The following MAL variants were observed in gnomAD, a reference collection of about 807,000 sequenced individuals.
MAL encodes myelin and lymphocyte protein.
In MAL, 5 loss-of-function variants were observed where a neutral mutation model predicts 16.7. That is an observed-to-expected ratio of 0.30 (90% CI 0.16 to 0.63). The LOEUF (loss-of-function observed/expected upper bound fraction) is 0.63, where lower values mean the gene tolerates loss of function less well. Ranked by LOEUF, MAL falls within the 30% of genes least tolerant of loss-of-function variation. The probability of loss-of-function intolerance (pLI) is 0.82; values close to 1 mark genes in which losing one functional copy is unlikely to be tolerated. For missense variants in MAL, 202 were observed against 195.8 expected (o/e 1.03, Z -0.19); for synonymous variants, 96 against 85.5 (o/e 1.12, Z -0.67).
intron 1 of MAL, among the ~76,000 whole-genome samples, chr2:95,028,773 T>C (rs1674010382): frequency 6.6e-6 from 1 of 152,198 alleles, no homozygotes; most frequent in Admixed American, 6.5e-5. Flanking sequence ...CCTTGAAAAC[T>C]CTATGCTAAG....
Position 95,053,388 on chromosome 2 carries a change from C to G in MAL, c.395C>G (p.Ser132Cys), listed in dbSNP as rs1423295668. 8 of 1,612,298 alleles carry G rather than the reference C, an allele frequency of 5.0e-6. No individual in the cohort carries two copies. In the Admixed American group the frequency reaches 1.3e-4, roughly 27 times the overall value. Residue 132 changes from serine (S) to cysteine (C), a missense_variant, in exon 4 of 4, where the codon TCC becomes TGC. By Grantham distance (112) the Ser-to-Cys change is moderately radical. Transcript: ENST00000309988. The stretch of plus-strand genomic sequence containing the variant: ...CATTTCTCTTGGTTCCAGGTGTTCT[C>G]CTACATAGCCACTCTGCTCTACGTG... ...YHENIAAVVF[S>C]YIATLLYVVH...
intron 1 of MAL, among the ~76,000 whole-genome samples, chr2:95,036,681 CTGAG>C (rs1674214982): frequency 6.6e-6 from 1 of 151,570 alleles, no homozygotes; most frequent in South Asian, 2.1e-4. Context: ...GAGTGACTAA[CTGAG>C]TGACTGAGTG....
chr2:95,031,007 G>A (rs567965823), intron 1 of MAL, among the ~76,000 whole-genome samples: 24 of 152,298 alleles, frequency 1.6e-4, no homozygotes, highest in East Asian at 3.9e-4. Flanking sequence ...AGGCAGTTTC[G>A]CATTAGGTGG....
chr2:95,049,565 C>T lies in MAL; in HGVS notation c.262-16C>T, dbSNP rs1674667414. ...CTCTCTCTCCCCATCCCTCTGACAC[C>T]CCGTCTGCCCCATAGGACGCAGCCT... On this transcript the variant is annotated splice_polypyrimidine_tract_variant and intron_variant, in intron 2 of 3. Transcript: ENST00000309988. The T allele has an allele frequency of 6.2e-7, 1 of 1,613,916 alleles. No individual in the cohort carries two copies. The highest frequency in any genetic ancestry group is 8.5e-7 in the Non-Finnish European group (1 of 1,179,862).
intron 1 of MAL, among the ~76,000 whole-genome samples, chr2:95,040,810 G>C (rs1674444195): frequency 6.6e-6 from 1 of 152,120 alleles, no homozygotes; most frequent in Non-Finnish European, 1.5e-5. Flanking sequence ...AAGTGGCAGG[G>C]GAGCTCAACA....
intron 1 of MAL, among the ~76,000 whole-genome samples, chr2:95,046,729 T>C (rs1674593663): frequency 1.3e-5 from 2 of 152,116 alleles, no homozygotes; most frequent in African/African-American, 2.4e-5. Context: ...AAGGCTGTCC[T>C]TGGTTACTCC....
intron 3 of MAL, chr2:95,053,168 G>C (rs1330979911): frequency 2.0e-6 from 1 of 497,500 alleles, no homozygotes; most frequent in Non-Finnish European, 3.6e-6. Flanking sequence ...CCAGATCCAG[G>C]AGACTGTTAG....
At chr2:95,032,048 C>T (rs1294287144) in intron 1 of MAL, among the ~76,000 whole-genome samples, 1 of 152,224 alleles carries the variant, frequency 6.6e-6, no homozygotes, top group Non-Finnish European at 1.5e-5. Context: ...TGCCTTTTAG[C>T]TTTTCATAAG....
At chr2:95,040,893 C>T (rs1674445961) in intron 1 of MAL, among the ~76,000 whole-genome samples, 1 of 152,174 alleles carries the variant, frequency 6.6e-6, no homozygotes, top group Non-Finnish European at 1.5e-5. Flanking sequence ...CTGTTGTTCA[C>T]ATATGCCTTT....
intron 1 of MAL, chr2:95,044,602 G>C (rs756668082): frequency 6.6e-6 from 1 of 152,262 alleles, no homozygotes; most frequent in African/African-American, 2.4e-5. Context: ...TAAACCCATA[G>C]TGGGCTTTGT....
At position 95,049,695 on chromosome 2, in the gene MAL, A is replaced by T; in HGVS notation, c.376A>T (p.Ile126Phe). 2 of 1,614,026 alleles carry T rather than the reference A, an allele frequency of 1.2e-6. No individual in the cohort carries two copies. Among genetic ancestry groups the T allele is most frequent in the African/African-American group, 2.7e-5 (2 of 75,006 alleles). The stretch of plus-strand genomic sequence containing the variant: ...CACCTACAGGCACTACCATGAAAAC[A>T]TTGCTGCCGTGGTGAGTCCGGGCAC... ...GFTYRHYHEN[I>F]AAVVFSYIAT... Residue 126 changes from isoleucine to phenylalanine, a missense_variant, in exon 3 of 4, where the codon ATT becomes TTT. Physicochemically the swap from Ile to Phe is conservative, Grantham distance 21. Coordinates refer to ENST00000309988, the MANE Select transcript of MAL (RefSeq NM_002371.4).
chr2:95,030,878 C>A (rs370168457), intron 1 of MAL, among the ~76,000 whole-genome samples: 1 of 152,198 alleles, frequency 6.6e-6, no homozygotes, highest in Non-Finnish European at 1.5e-5. Context: ...TTTTCTGTGA[C>A]CCAAAGTGAC....
intron 1 of MAL, among the ~76,000 whole-genome samples, chr2:95,031,419 G>A (rs1413756705): frequency 2.6e-5 from 4 of 152,188 alleles, no homozygotes; most frequent in South Asian, 2.1e-4. Context: ...TCTGAGTCAC[G>A]AGGTCCAGGG....
At chr2:95,045,804 G>A (rs1477543165) in intron 1 of MAL, among the ~76,000 whole-genome samples, 7 of 152,168 alleles carry the variant, frequency 4.6e-5, no homozygotes, top group African/African-American at 7.2e-5. Context: ...CTGTCCCTCC[G>A]TCAGTGCCCG....
At chr2:95,041,271 G>A (rs1198463506) in intron 1 of MAL, among the ~76,000 whole-genome samples, 1 of 152,214 alleles carries the variant, frequency 6.6e-6, no homozygotes, top group Non-Finnish European at 1.5e-5. Flanking sequence ...TTGTTGGAAG[G>A]AAGGCCGGCT....
intron 1 of MAL, among the ~76,000 whole-genome samples, chr2:95,041,265 TGGAA>T (rs994994628): frequency 3.9e-5 from 6 of 152,224 alleles, no homozygotes; most frequent in Admixed American, 3.9e-4. Context: ...GGCCCGTTGT[TGGAA>T]GGAAGGCCGG....
chr2:95,039,316 G>GTGAGTGAGTGACTGAGTGGGTGAGTGAC (rs1674375003), intron 1 of MAL, among the ~76,000 whole-genome samples: 1 of 150,534 alleles, frequency 6.6e-6, no homozygotes, highest in Admixed American at 6.6e-5. Context: ...GGGTGAGTGA[G>GTGAGTGAGTGACTGAGTGGGTGAGTGAC]TGAGTGAGTG....
chr2:95,049,232 G>A (rs1025683098), intron 2 of MAL, among the ~76,000 whole-genome samples: 3 of 152,194 alleles, frequency 2.0e-5, no homozygotes, highest in Non-Finnish European at 2.9e-5. Context: ...ACTGGTCAGC[G>A]AGGCCACACC....
Position 95,049,667 on chromosome 2 carries a change from C to T in MAL, c.348C>T (p.Gly116=). The T allele has an allele frequency of 6.2e-7, 1 of 1,614,180 alleles. No homozygotes were observed. Among genetic ancestry groups the T allele is most frequent in the Non-Finnish European group, 8.5e-7 (1 of 1,180,020 alleles). Residue 116 remains glycine (G), a synonymous_variant, in exon 3 of 4, where the codon GGC becomes GGT. Coordinates refer to ENST00000309988, the MANE Select transcript of MAL (RefSeq NM_002371.4). ...EALATITMQD[G]FTYRHYHENI... ...TGGCCACCATCACGATGCAAGACGGCTTCACCTACAGGCACTACCATGAAA... is the reference window on the plus strand; with the variant it reads ...TGGCCACCATCACGATGCAAGACGGTTTCACCTACAGGCACTACCATGAAA...
Sources: gnomAD v4.1 joint callset for allele counts (sites outside exome capture counted in the v4.1 genomes callset) on GRCh38, gnomAD v4.1.1 for gene constraint, MANE v1.5 for transcripts, NCBI Gene and HGNC (gene_info 2026-07-23, HGNC 2026-07-21) for gene names.